RBPMS: variants seen among roughly 807,000 people sequenced by gnomAD.
The protein encoded by RBPMS is RNA-binding protein with multiple splicing.
In RBPMS, 7 loss-of-function variants were observed where a neutral mutation model predicts 26.8. That is an observed-to-expected ratio of 0.26 (90% CI 0.15 to 0.49). The LOEUF is 0.49. Ranked by LOEUF, RBPMS falls within the 20% of genes least tolerant of loss-of-function variation. The probability of loss-of-function intolerance (pLI) is 0.98; values close to 1 mark genes in which losing one functional copy is unlikely to be tolerated. For synonymous variants in RBPMS, 96 were observed against 93.3 expected, an observed-to-expected ratio of 1.03 and a Z score of -0.17; for missense variants, 186 against 250.0, an observed-to-expected ratio of 0.74 and a Z score of 1.73.
At chr8:30,421,042 C>T (rs1810719790) in intron 1 of RBPMS, among the ~76,000 whole-genome samples, 1 of 152,098 alleles carries the variant, frequency 6.6e-6, no homozygotes, top group African/African-American at 2.4e-5. Flanking sequence ...TCATCCCATG[C>T]TTTAAATTTA....
At chr8:30,435,553 A>G (rs1274031568) in intron 1 of RBPMS, among the ~76,000 whole-genome samples, 1 of 152,202 alleles carries the variant, frequency 6.6e-6, no homozygotes, top group Non-Finnish European at 1.5e-5. Context: ...TTTTGCTACA[A>G]TTTAAGATTC....
At chr8:30,523,037 A>T (rs1263106138) in intron 5 of RBPMS, among the ~76,000 whole-genome samples, 3 of 152,100 alleles carry the variant, frequency 2.0e-5, no homozygotes, top group African/African-American at 7.2e-5. Flanking sequence ...TATCCCTCAA[A>T]ATTAATAATA....
At chr8:30,511,756 CGAGGTTGCAGTGAGCT>C (rs1172890388) in intron 5 of RBPMS, among the ~76,000 whole-genome samples, 2 of 150,022 alleles carry the variant, frequency 1.3e-5, no homozygotes, top group South Asian at 4.2e-4. Context: ...CCCGGGAGGC[CGAGGTTGCAGTGAGCT>C]GAGATCGCAC....
At chr8:30,461,544 G>C (rs1345042363) in intron 1 of RBPMS, among the ~76,000 whole-genome samples, 1 of 152,218 alleles carries the variant, frequency 6.6e-6, no homozygotes, top group African/African-American at 2.4e-5. Flanking sequence ...ACAGGCGCGT[G>C]CCACCACGCC....
chr8:30,428,679 A>C (rs1811620620), intron 1 of RBPMS, among the ~76,000 whole-genome samples: 1 of 152,024 alleles, frequency 6.6e-6, no homozygotes, highest in Admixed American at 6.6e-5. Context: ...TCGGTAGGAC[A>C]CTCTATAATC....
At chr8:30,569,144 C>T (rs1381029218) in intron 8 of RBPMS, among the ~76,000 whole-genome samples, 1 of 152,172 alleles carries the variant, frequency 6.6e-6, no homozygotes, top group African/African-American at 2.4e-5. Flanking sequence ...GTACAGAACC[C>T]AAAGTTGGTC....
intron 3 of RBPMS, among the ~76,000 whole-genome samples, chr8:30,478,777 C>T (rs559343681): frequency 1.3e-5 from 2 of 152,310 alleles, no homozygotes; most frequent in South Asian, 4.1e-4. Context: ...GGATTACAGG[C>T]GTGAGCCACC....
intron 1 of RBPMS, among the ~76,000 whole-genome samples, chr8:30,418,848 G>A (rs1810398354): frequency 6.6e-6 from 1 of 151,996 alleles, no homozygotes; most frequent in African/African-American, 2.4e-5. Context: ...CAAAATGCTC[G>A]GCCTCCCAAA....
At chr8:30,562,782 G>A (rs1827606615) in intron 7 of RBPMS, among the ~76,000 whole-genome samples, 1 of 132,186 alleles carries the variant, frequency 7.6e-6, no homozygotes, top group Admixed American at 7.2e-5. Context: ...TGCTTTCCCA[G>A]CACGGAAAGA....
intron 6 of RBPMS, chr8:30,556,516 T>C: frequency 4.1e-6 from 4 of 986,292 alleles, no homozygotes; most frequent in Non-Finnish European, 3.6e-6. Flanking sequence ...CTCCCCCTCC[T>C]GTGTCTCCTG....
intron 6 of RBPMS, among the ~76,000 whole-genome samples, chr8:30,557,595 G>C (rs554650870): frequency 3.2e-4 from 49 of 152,300 alleles, no homozygotes; most frequent in Middle Eastern, 3.4e-3. Context: ...CAGCCAGAAT[G>C]GCTCTTGCTT....
chr8:30,563,390 G>A (rs902650803), intron 7 of RBPMS, among the ~76,000 whole-genome samples: 1 of 152,198 alleles, frequency 6.6e-6, no homozygotes, highest in Non-Finnish European at 1.5e-5. Flanking sequence ...CATGAGCAAC[G>A]CTGCTGTCAC....
intron 6 of RBPMS, among the ~76,000 whole-genome samples, chr8:30,548,118 A>G (rs1213905765): frequency 1.3e-5 from 2 of 152,260 alleles, no homozygotes; most frequent in Non-Finnish European, 2.9e-5. Flanking sequence ...GATCATTAAC[A>G]TTTTTAAAAG....
chr8:30,570,505 G>A (rs1336051368), intron 8 of RBPMS, 132 bp from the exon 9 acceptor site: 3 of 152,664 alleles, frequency 2.0e-5, no homozygotes, highest in Non-Finnish European at 2.9e-5. Context: ...CAGCAAATAT[G>A]TTCTATACAC....
intron 5 of RBPMS, among the ~76,000 whole-genome samples, chr8:30,523,082 AT>A (rs1162934369): frequency 1.3e-5 from 2 of 152,220 alleles, no homozygotes; most frequent in East Asian, 3.8e-4. Flanking sequence ...TCTCTTTAAA[AT>A]AATGATGAAT....
chr8:30,463,854 G>A (rs938977323), intron 1 of RBPMS, among the ~76,000 whole-genome samples: 17 of 152,298 alleles, frequency 1.1e-4, no homozygotes, highest in African/African-American at 3.8e-4. Context: ...CCTCTTGAAT[G>A]CATATTCGAA....
intron 4 of RBPMS, among the ~76,000 whole-genome samples, chr8:30,492,247 ATTAT>A (rs1819478679): frequency 6.6e-6 from 1 of 152,192 alleles, no homozygotes; most frequent in Non-Finnish European, 1.5e-5. Context: ...CACAGTGTTA[ATTAT>A]TCAACTTATC....
intron 5 of RBPMS, among the ~76,000 whole-genome samples, chr8:30,524,171 A>C (rs868711120): frequency 7.6e-4 from 116 of 152,288 alleles, no homozygotes; most frequent in African/African-American, 2.7e-3. Context: ...ACTTCAATCA[A>C]GAGGCACATA....
intron 5 of RBPMS, among the ~76,000 whole-genome samples, chr8:30,511,529 CTGTGTG>C (rs10596340): frequency 0.022 from 2,670 of 119,738 alleles, 126 homozygotes; most frequent in African/African-American, 0.076. Flanking sequence ...ATATATATTT[CTGTGTG>C]TGTGTGTGTG....
Sources: gnomAD v4.1 joint callset for allele counts (sites outside exome capture counted in the v4.1 genomes callset) on GRCh38, gnomAD v4.1.1 for gene constraint, MANE v1.5 for transcripts, NCBI Gene and HGNC (gene_info 2026-07-23, HGNC 2026-07-21) for gene names.